Variants in BRSK1 observed in about 807,000 individuals in gnomAD.
The protein encoded by BRSK1 is serine/threonine-protein kinase BRSK1.
Under a neutral mutation model 86.2 loss-of-function variants are expected in BRSK1, and 17 were observed. The observed-to-expected ratio is 0.20, with a 90% CI of 0.14 to 0.30. BRSK1 has a LOEUF of 0.30. BRSK1 is among the 10% of genes least tolerant of loss of function. The probability of loss-of-function intolerance (pLI) is 1.00; values close to 1 mark genes in which losing one functional copy is unlikely to be tolerated. For synonymous variants in BRSK1, 464 were observed against 440.1 expected, an observed-to-expected ratio of 1.05 and a Z score of -0.68; for missense variants, 719 against 1,071.9, an observed-to-expected ratio of 0.67 and a Z score of 4.60.
chr19:55,292,220 A>G (rs2088417563), intron 4 of BRSK1, among the ~76,000 whole-genome samples: 1 of 152,214 alleles, frequency 6.6e-6, no homozygotes, highest in Non-Finnish European at 1.5e-5. Context: ...CTCTCTCCCC[A>G]GACACCAACC....
chr19:55,284,051 A>G lies in BRSK1; in HGVS notation c.-392A>G. ...AGGACGAGGTGGCGGGGGGAGGCGGAGAGGAGGAGGAGGCGGAGGAGAGAG... is the reference window on the plus strand; with the variant it reads ...AGGACGAGGTGGCGGGGGGAGGCGGGGAGGAGGAGGAGGCGGAGGAGAGAG... On this transcript the variant is annotated 5_prime_UTR_variant, in exon 1 of 19. Coordinates refer to ENST00000309383, the MANE Select transcript of BRSK1 (RefSeq NM_032430.2). 1 of 1,128,716 alleles carries G rather than the reference A, an allele frequency of 8.9e-7. No homozygotes were observed. The highest frequency in any genetic ancestry group is 1.1e-6 in the Non-Finnish European group (1 of 914,592). 69.9% of individuals were successfully genotyped at this position (1,128,716 alleles called of 1,614,324 possible).
Position 55,294,166 on chromosome 19 carries a change from C to A in BRSK1, c.575+33C>A, listed in dbSNP as rs375155431. On this transcript the variant is annotated intron_variant, in intron 5 of 18. Coordinates refer to ENST00000309383, the MANE Select transcript of BRSK1 (RefSeq NM_032430.2). The surrounding 1 kb of genome is among the most constrained non-coding windows in gnomAD (Gnocchi z 4.9). ...GGGACTGGGCTCCCGAGACCCTGGG[C>A]AGGGGTTTAGAAGCTGGCTGGAGGC... 1.9e-6 allele frequency: 3 copies of A among 1,610,986 alleles called. No individual in the cohort carries two copies. Among genetic ancestry groups the A allele is most frequent in the African/African-American group, 2.7e-5 (2 of 74,834 alleles).
rs2088457486 is a variant in BRSK1 at position 55,294,544 on chromosome 19, T to C, written c.678+147T>C. ...TGAGACAGAGTCTTGCCCCGTCGCC[T>C]AGGCTGGAGTGCAGTGGTGTGATCT... On this transcript the variant is annotated intron_variant, in intron 7 of 18. Transcript: ENST00000309383. This position sits in a 1 kb window ranked among gnomAD's most constrained non-coding sequence, Gnocchi z 4.9. 3.0e-6 allele frequency: 3 copies of C among 1,012,156 alleles called. No individual in the cohort carries two copies. The highest frequency in any genetic ancestry group is 4.3e-6 in the Non-Finnish European group (3 of 700,748). The allele number at this position is 1,012,156 out of a possible 1,614,324, so 62.7% of individuals were successfully genotyped here.
At position 55,287,321 on chromosome 19, in the gene BRSK1, G is replaced by A. The variant is rs777979983; in HGVS notation, c.317+22G>A. ...ATTTGTAGGTATTTATAGACACCCA[G>A]CCCTACCCCATCCTCCCTCTCCAGG... is the stretch of plus-strand genomic sequence containing the variant. On this transcript the variant is annotated intron_variant, in intron 3 of 18. Coordinates refer to ENST00000309383, the MANE Select transcript of BRSK1 (RefSeq NM_032430.2). This position sits in a 1 kb window ranked among gnomAD's most constrained non-coding sequence, Gnocchi z 5.3. The A allele has an allele frequency of 1.9e-6, 3 of 1,608,922 alleles. No individual in the cohort carries two copies. Among genetic ancestry groups the A allele is most frequent in the Non-Finnish European group, 1.7e-6 (2 of 1,175,496 alleles).
rs1265153894 is a variant in BRSK1, at chr19:55,286,019, TGA to T, written c.137-986_137-985del. Among the ~76,000 whole-genome samples, 495 of 116,534 alleles carry T rather than the reference TGA, an allele frequency of 4.2e-3. 11 individuals carry two copies. Among genetic ancestry groups the T allele is most frequent in the African/African-American group, 0.014 (426 of 30,784 alleles). 76.5% of individuals were successfully genotyped at this position (116,534 alleles called of 152,430 possible). ...AGGAGGAACTGGGGGTCTGGAGTGC[TGA>T]GTCTAAGGGAGGAGGGGCTGGGGGT... On this transcript the variant is annotated intron_variant, in intron 1 of 18. Transcript: ENST00000309383.
chr19:55,312,557 A>AT lies in BRSK1; in HGVS notation c.*489_*490insT, dbSNP rs2088832426. 1 of 260,924 alleles carries AT rather than the reference A, an allele frequency of 3.8e-6. No homozygotes were observed. The highest frequency in any genetic ancestry group is 7.1e-6 in the Non-Finnish European group (1 of 141,026). The allele number at this position is 260,924 out of a possible 1,614,324, so 16.2% of individuals were successfully genotyped here. ...GCAAAAAAAAAAAAAAAAAAAAAAA[A>AT]AAAAAGATAATAATAATAAATAGCC... On this transcript the variant is annotated 3_prime_UTR_variant, in exon 19 of 19. Coordinates refer to ENST00000309383, the MANE Select transcript of BRSK1 (RefSeq NM_032430.2).
At position 55,311,904 on chromosome 19, in the gene BRSK1, C is replaced by T. The variant is rs2123018066; in HGVS notation, c.2180-7C>T. Reference sequence around the variant, plus strand: ...GAACCCACGAAAAACCTCTTCCTCCCTTGCAGACGAGAAGAACGGGGCCCA... The same window carrying T: ...GAACCCACGAAAAACCTCTTCCTCCTTTGCAGACGAGAAGAACGGGGCCCA... On this transcript the variant is annotated splice_region_variant and splice_polypyrimidine_tract_variant and intron_variant, in intron 18 of 18. Coordinates refer to ENST00000309383, the MANE Select transcript of BRSK1 (RefSeq NM_032430.2). 1 of 1,611,292 alleles carries T rather than the reference C, an allele frequency of 6.2e-7. No homozygotes were observed. Among genetic ancestry groups the T allele is most frequent in the South Asian group, 1.1e-5 (1 of 90,928 alleles).
Position 55,304,023 on chromosome 19 carries a change from T to C in BRSK1, c.1287-27T>C. 1 of 1,588,346 alleles carries C rather than the reference T, an allele frequency of 6.3e-7. No homozygotes were observed. Among genetic ancestry groups the C allele is most frequent in the African/African-American group, 1.4e-5 (1 of 73,866 alleles). The stretch of plus-strand genomic sequence containing the variant: ...TTTTGAAACCCTCCCATCTGATTTT[T>C]TTTTTTTAAATCTATCCTGGAAACA... On this transcript the variant is annotated intron_variant, in intron 12 of 18. Coordinates refer to ENST00000309383, the MANE Select transcript of BRSK1 (RefSeq NM_032430.2). The surrounding 1 kb of genome is among the most constrained non-coding windows in gnomAD (Gnocchi z 5.2).
At position 55,304,758 on chromosome 19, in the gene BRSK1, T is replaced by A. The variant is rs966476467; in HGVS notation, c.1555T>A (p.Ser519Thr). Residue 519 changes from serine (S) to threonine (T), a missense_variant, in exon 14 of 19, where the codon TCG becomes ACG. By Grantham distance (58) the Ser-to-Thr change is moderately conservative. Transcript: ENST00000309383. This position sits in a 1 kb window ranked among gnomAD's most constrained non-coding sequence, Gnocchi z 5.2. Reference protein sequence around the residue: ...PRSSGGTPLHSPLHTPRASPT... With the variant: ...PRSSGGTPLHTPLHTPRASPT... Reference sequence around the variant, plus strand: ...CTCCTCTGGCGGGACCCCCTTGCACTCGCCTCTGCACACGCCCCGGGCCAG... The same window carrying A: ...CTCCTCTGGCGGGACCCCCTTGCACACGCCTCTGCACACGCCCCGGGCCAG... The A allele has an allele frequency of 1.3e-6, 2 of 1,535,664 alleles. No homozygotes were observed. Among genetic ancestry groups the A allele is most frequent in the Non-Finnish European group, 1.7e-6 (2 of 1,146,786 alleles).
intron 7 of BRSK1, among the ~76,000 whole-genome samples, chr19:55,297,063 A>G (rs1177247410): frequency 1.3e-5 from 2 of 152,154 alleles, no homozygotes; most frequent in Non-Finnish European, 2.9e-5. Flanking sequence ...AAAAGAATAC[A>G]TAAGTTTTTT....
At chr19:55,301,791 C>A in intron 8 of BRSK1, 133 bp downstream of exon 8, 1 of 1,169,556 alleles carries the variant, frequency 8.6e-7, no homozygotes, top group Non-Finnish European at 1.2e-6. Flanking sequence ...CCAGCTGAGC[C>A]GCAGCCCAAG....
At chr19:55,296,381 CAGTGAACACCTGT>C (rs1273456556) in intron 7 of BRSK1, among the ~76,000 whole-genome samples, 1 of 152,136 alleles carries the variant, frequency 6.6e-6, no homozygotes, top group Non-Finnish European at 1.5e-5. Context: ...TGTAAGTCCC[CAGTGAACACCTGT>C]AGTGAGAATA....
At chr19:55,291,764 C>CT (rs1269561246) in intron 4 of BRSK1, among the ~76,000 whole-genome samples, 3 of 152,040 alleles carry the variant, frequency 2.0e-5, no homozygotes, top group Non-Finnish European at 4.4e-5. Flanking sequence ...CGGTTTTTGT[C>CT]TTTTTTTATT....
chr19:55,298,625 G>A (rs1444686063), intron 7 of BRSK1, among the ~76,000 whole-genome samples: 1 of 152,196 alleles, frequency 6.6e-6, no homozygotes, highest in Non-Finnish European at 1.5e-5. Context: ...GGAAACCTGA[G>A]CCGCCCACCC....
At chr19:55,288,602 T>G (rs2088358450) in intron 3 of BRSK1, among the ~76,000 whole-genome samples, 2 of 152,078 alleles carry the variant, frequency 1.3e-5, no homozygotes, top group Admixed American at 1.3e-4. Flanking sequence ...TTTGTTTTTT[T>G]GAGACAGAGT....
chr19:55,303,105 C>G lies in BRSK1; in HGVS notation c.1029-206C>G. The G allele has an allele frequency of 1.6e-6, 1 of 635,420 alleles. No homozygotes were observed. The highest frequency in any genetic ancestry group is 2.7e-5 in the East Asian group (1 of 36,458). 39.4% of individuals were successfully genotyped at this position (635,420 alleles called of 1,614,324 possible). The stretch of plus-strand genomic sequence containing the variant: ...CATAGTACTTACAAATAGTTCTTGC[C>G]TGGATGTTAGGTGTTACAGTGTTAT... On this transcript the variant is annotated intron_variant, in intron 10 of 18. Coordinates refer to ENST00000309383, the MANE Select transcript of BRSK1 (RefSeq NM_032430.2). This position sits in a 1 kb window ranked among gnomAD's most constrained non-coding sequence, Gnocchi z 5.1.
Position 55,303,042 on chromosome 19 carries a change from A to C in BRSK1, c.1028+175A>C. ...AAAACGGCCCAGAAACACGCTGAGA[A>C]AGTATTAATAGATGCTGCGACATAG... On this transcript the variant is annotated intron_variant, in intron 10 of 18. Coordinates refer to ENST00000309383, the MANE Select transcript of BRSK1 (RefSeq NM_032430.2). The surrounding 1 kb of genome is among the most constrained non-coding windows in gnomAD (Gnocchi z 5.1). The C allele has an allele frequency of 1.3e-6, 1 of 758,754 alleles. No homozygotes were observed. Among genetic ancestry groups the C allele is most frequent in the Non-Finnish European group, 2.1e-6 (1 of 479,570 alleles). The allele number at this position is 758,754 out of a possible 1,614,324, so 47.0% of individuals were successfully genotyped here. A position where few individuals can be genotyped will look rare whatever the true frequency, so the allele number is the denominator to read the frequency against.
At chr19:55,307,582 C>A (rs74179616) in intron 17 of BRSK1, among the ~76,000 whole-genome samples, 12,575 of 145,824 alleles carry the variant, frequency 0.086, 603 homozygotes, top group Middle Eastern at 0.17. Flanking sequence ...ATATGCAGAC[C>A]TTTCTCAATT....
intron 16 of BRSK1, 44 bp downstream of exon 16, chr19:55,305,630 A>G: frequency 6.2e-7 from 1 of 1,612,488 alleles, no homozygotes; most frequent in Non-Finnish European, 8.5e-7. Context: ...CCGCAGAACT[A>G]CAAGTCCCAG....
Sources: allele counts gnomAD v4.1 joint callset (sites outside exome capture counted in the v4.1 genomes callset), GRCh38; gene constraint gnomAD v4.1.1; non-coding constraint Gnocchi (gnomAD v3.1); transcripts MANE v1.5; gene names NCBI Gene and HGNC (gene_info 2026-07-23, HGNC 2026-07-21).